SEMA6D: variants seen among roughly 807,000 people sequenced by gnomAD.
The protein encoded by SEMA6D is semaphorin-6D.
SEMA6D carries 35 observed loss-of-function variants against 106.6 expected under a neutral mutation model. That is an observed-to-expected ratio of 0.33 (90% CI 0.25 to 0.44). The LOEUF (loss-of-function observed/expected upper bound fraction) is 0.44, where lower values mean the gene tolerates loss of function less well. Ranked by LOEUF, SEMA6D falls within the 20% of genes least tolerant of loss-of-function variation. The probability of loss-of-function intolerance (pLI) is 1.00; values close to 1 mark genes in which losing one functional copy is unlikely to be tolerated. For missense variants in SEMA6D, 1,185 were observed against 1,345.9 expected, an observed-to-expected ratio of 0.88 and a Z score of 1.87; for synonymous variants, 499 against 487.7, an observed-to-expected ratio of 1.02 and a Z score of -0.31.
intron 1 of SEMA6D, among the ~76,000 whole-genome samples, chr15:47,294,529 T>G (rs2035729205): frequency 6.6e-6 from 1 of 152,214 alleles, no homozygotes; most frequent in African/African-American, 2.4e-5. Flanking sequence ...GCCTTTAATC[T>G]CTTTCTCAAA....
At chr15:47,252,430 C>G (rs1167037053) in intron 1 of SEMA6D, among the ~76,000 whole-genome samples, 1 of 151,958 alleles carries the variant, frequency 6.6e-6, no homozygotes, top group Non-Finnish European at 1.5e-5. Flanking sequence ...TCTAACTATC[C>G]TAAAATACAC....
At chr15:47,268,523 T>C (rs1201518004) in intron 1 of SEMA6D, among the ~76,000 whole-genome samples, 1 of 152,076 alleles carries the variant, frequency 6.6e-6, no homozygotes, top group Non-Finnish European at 1.5e-5. Flanking sequence ...TAGTAGTGGG[T>C]TCAGATCTTT....
intron 1 of SEMA6D, among the ~76,000 whole-genome samples, chr15:47,394,339 G>A (rs780439030): frequency 1.3e-5 from 2 of 152,184 alleles, no homozygotes; most frequent in Non-Finnish European, 2.9e-5. Flanking sequence ...AAGAGCTGGG[G>A]ACATTCAAAC....
At chr15:47,715,417 T>A (rs2079092386), upstream of SEMA6D, among the ~76,000 whole-genome samples, 2 of 152,234 alleles carry the variant, frequency 1.3e-5, no homozygotes, top group South Asian at 4.1e-4. Flanking sequence ...GAGCGTTGTT[T>A]TCCTATCAAG....
At chr15:47,649,728 A>G (rs911120841) in intron 4 of SEMA6D, among the ~76,000 whole-genome samples, 6 of 152,210 alleles carry the variant, frequency 3.9e-5, no homozygotes, top group Non-Finnish European at 7.4e-5. Context: ...GTTTTGTGCA[A>G]ATGGTTGCAG....
chr15:47,419,077 A>G (rs771025630), intron 2 of SEMA6D, among the ~76,000 whole-genome samples: 8 of 152,160 alleles, frequency 5.3e-5, no homozygotes, highest in African/African-American at 1.9e-4. Context: ...AGAGGATTTC[A>G]TGAGAGAGCT....
chr15:47,223,387 T>C (rs1022935139), intron 1 of SEMA6D, among the ~76,000 whole-genome samples: 7 of 152,156 alleles, frequency 4.6e-5, no homozygotes, highest in African/African-American at 1.7e-4. Context: ...AAGAGATTTG[T>C]AGTGTCTTGT....
intron 1 of SEMA6D, among the ~76,000 whole-genome samples, chr15:47,231,662 A>G (rs1036228735): frequency 6.6e-6 from 1 of 151,960 alleles, no homozygotes; most frequent in African/African-American, 2.4e-5. Flanking sequence ...CAATTCTTCT[A>G]TTTCTTATTA....
intron 1 of SEMA6D, among the ~76,000 whole-genome samples, chr15:47,307,519 G>A (rs1014776118): frequency 6.6e-6 from 1 of 152,120 alleles, no homozygotes; most frequent in Admixed American, 6.5e-5. Flanking sequence ...ATTAACAGAT[G>A]ATTTTTACCT....
chr15:47,200,642 G>A (rs1472137173), intron 1 of SEMA6D, among the ~76,000 whole-genome samples: 1 of 152,068 alleles, frequency 6.6e-6, no homozygotes, highest in Non-Finnish European at 1.5e-5. Context: ...GTCATTAAAA[G>A]TTTCTATCTG....
At chr15:47,275,133 C>T (rs956371135) in intron 1 of SEMA6D, 25 of 152,242 alleles carry the variant, frequency 1.6e-4, no homozygotes, top group Non-Finnish European at 2.6e-4. Flanking sequence ...TGGGAAGAAA[C>T]AACACTAACA....
intron 4 of SEMA6D, among the ~76,000 whole-genome samples, chr15:47,707,269 G>T (rs540031901): frequency 3.9e-4 from 60 of 152,224 alleles, no homozygotes; most frequent in African/African-American, 1.4e-3. Context: ...AGAGCCTAAG[G>T]ATGCCTAAGT....
chr15:47,613,022 C>T (rs1461043646), intron 4 of SEMA6D, among the ~76,000 whole-genome samples: 1 of 152,070 alleles, frequency 6.6e-6, no homozygotes, highest in Non-Finnish European at 1.5e-5. Context: ...TCTGTGGAGC[C>T]TACCATTAGA....
At chr15:47,369,499 G>A (rs182324028) in intron 1 of SEMA6D, among the ~76,000 whole-genome samples, 1 of 152,166 alleles carries the variant, frequency 6.6e-6, no homozygotes, top group African/African-American at 2.4e-5. Flanking sequence ...ATCCCAATCT[G>A]TTATCAAGAC....
intron 3 of SEMA6D, among the ~76,000 whole-genome samples, chr15:47,510,850 AT>A (rs2141775188): frequency 6.6e-6 from 1 of 152,310 alleles, no homozygotes; most frequent in African/African-American, 2.4e-5. Flanking sequence ...TGGACCTCAC[AT>A]CTCCTTCAAC....
At chr15:47,473,678 G>A (rs1003773879) in intron 3 of SEMA6D, among the ~76,000 whole-genome samples, 15 of 152,124 alleles carry the variant, frequency 9.9e-5, no homozygotes, top group African/African-American at 1.4e-4. Flanking sequence ...AATGAAATAT[G>A]GCTCTGAACG....
intron 4 of SEMA6D, among the ~76,000 whole-genome samples, chr15:47,663,709 C>T (rs146422869): frequency 1.3e-5 from 2 of 152,082 alleles, no homozygotes; most frequent in East Asian, 1.9e-4. Context: ...GAATGTAATT[C>T]GAAAACAGAG....
chr15:47,530,122 A>G (rs2044908657), intron 3 of SEMA6D, among the ~76,000 whole-genome samples: 1 of 152,186 alleles, frequency 6.6e-6, no homozygotes, highest in Non-Finnish European at 1.5e-5. Context: ...GGCTGAGAAG[A>G]TGCTCTTTTG....
At chr15:47,328,895 C>G (rs1221466527) in intron 1 of SEMA6D, among the ~76,000 whole-genome samples, 1 of 152,186 alleles carries the variant, frequency 6.6e-6, no homozygotes, top group Admixed American at 6.5e-5. Context: ...TAATTATTCT[C>G]CATTGAGTCA....
Sources: allele counts gnomAD v4.1 joint callset (sites outside exome capture counted in the v4.1 genomes callset), GRCh38; gene constraint gnomAD v4.1.1; transcripts MANE v1.5; gene names NCBI Gene and HGNC (gene_info 2026-07-23, HGNC 2026-07-21).